POF1B: variants seen among roughly 807,000 people sequenced by gnomAD.
POF1B encodes protein POF1B.
POF1B carries 53 observed loss-of-function variants against 55.3 expected under a neutral mutation model. The ratio of observed to expected loss-of-function variants is 0.96; its 90% CI spans 0.77 to 1.20. The LOEUF is 1.20. Among genes scored for constraint, POF1B ranks in the 50% most tolerant of loss-of-function variants. POF1B has a pLI of 0.00. For synonymous variants in POF1B, 188 were observed against 148.3 expected, an observed-to-expected ratio of 1.27 and a Z score of -1.95; for missense variants, 478 against 420.5, an observed-to-expected ratio of 1.14 and a Z score of -1.20.
At chrX:85,309,791 G>A (rs935309336) in intron 9 of POF1B, among the ~76,000 whole-genome samples, 1 of 111,833 alleles carries the variant, frequency 8.9e-6, no homozygotes, top group Non-Finnish European at 1.9e-5. Flanking sequence ...CCCCTTGTCA[G>A]GCTCTAGGGA....
At chrX:85,350,320 G>C (rs1356502470) in intron 5 of POF1B, among the ~76,000 whole-genome samples, 5 of 110,182 alleles carry the variant, frequency 4.5e-5, no homozygotes, top group African/African-American at 1.3e-4. Flanking sequence ...TACTGAGAAT[G>C]ATGATTTCCA....
rs987230957 is a variant in POF1B, at chrX:85,321,536, A to G, written c.855-5802T>C. ...CATTCCCTTTGAAAACTGGCACAAG[A>G]CAGGGATGCCCTCTCTCACTACTCC... On this transcript the variant is annotated intron_variant, in intron 7 of 16. Transcript: ENST00000262753. Among the ~76,000 whole-genome samples, 11 of 109,668 alleles carry G rather than the reference A, an allele frequency of 1.0e-4. No homozygotes were observed. The East Asian group carries it at 2.8e-3, about 28-fold the overall frequency.
intron 10 of POF1B, among the ~76,000 whole-genome samples, chrX:85,307,570 C>T (rs904938055): frequency 2.7e-5 from 3 of 110,981 alleles, no homozygotes; most frequent in South Asian, 7.6e-4. Flanking sequence ...TTAATCCCAG[C>T]GAGTGGTAAA....
intron 3 of POF1B, among the ~76,000 whole-genome samples, chrX:85,364,236 A>G (rs1393452064): frequency 3.6e-5 from 4 of 111,109 alleles, no homozygotes; most frequent in Non-Finnish European, 7.5e-5. Flanking sequence ...TGAGGTGTTT[A>G]GTCCATTTAC....
rs142665633 is a variant in POF1B at position 85,360,527 on chromosome X, GTATATATA to G, written c.358-905_358-898del. On this transcript the variant is annotated intron_variant, in intron 3 of 16. Coordinates refer to ENST00000262753, the MANE Select transcript of POF1B (RefSeq NM_024921.4). The stretch of plus-strand genomic sequence containing the variant: ...ATGGCTGCCTAGTATTCCATGGTAT[GTATATATA>G]TATATATATATATATATATATATAC... 5.0e-3 allele frequency among the ~76,000 whole-genome samples: 291 copies of G among 58,514 alleles called. 15 individuals carry two copies. The highest frequency in any genetic ancestry group is 0.022 in the African/African-American group (212 of 9,575). The allele number at this position is 58,514 out of a possible 115,157, so 50.8% of individuals were successfully genotyped here.
rs540422975 is a variant in POF1B at position 85,368,389 on chromosome X, A to G, written c.283-623T>C. On this transcript the variant is annotated intron_variant, in intron 2 of 16. Transcript: ENST00000262753. Reference sequence around the variant, plus strand: ...AACATCTTATGCACCCCATAAATATACACATTTACTATGTGCCCAAAATTT... The same window carrying G: ...AACATCTTATGCACCCCATAAATATGCACATTTACTATGTGCCCAAAATTT... 1.8e-3 allele frequency among the ~76,000 whole-genome samples: 205 copies of G among 111,545 alleles called. No homozygotes were observed. The South Asian group carries it at 0.022, about 12-fold the overall frequency.
At chrX:85,359,082 A>G (rs1933557083) in intron 4 of POF1B, among the ~76,000 whole-genome samples, 1 of 111,125 alleles carries the variant, frequency 9.0e-6, no homozygotes, top group African/African-American at 3.3e-5. Context: ...CACACACCAC[A>G]GGCAATAAAG....
At chrX:85,355,651 T>C (rs1336880059) in intron 4 of POF1B, among the ~76,000 whole-genome samples, 2 of 111,561 alleles carry the variant, frequency 1.8e-5, no homozygotes, top group East Asian at 2.8e-4. Context: ...GGGCAAAGGA[T>C]ATGAACAGAC....
intron 15 of POF1B, among the ~76,000 whole-genome samples, chrX:85,285,064 C>T (rs770363730): frequency 2.2e-4 from 25 of 111,992 alleles, no homozygotes; most frequent in African/African-American, 8.1e-4. Flanking sequence ...AAAATGCTCA[C>T]CATCACTGGC....
intron 9 of POF1B, among the ~76,000 whole-genome samples, chrX:85,310,920 G>A (rs55933940): frequency 0.019 from 2,150 of 111,636 alleles, 46 homozygotes; most frequent in African/African-American, 0.066. Context: ...AAGCCCAGAA[G>A]GAACTAGGAT....
At chrX:85,371,244 C>G (rs974064536) in intron 2 of POF1B, among the ~76,000 whole-genome samples, 1 of 111,659 alleles carries the variant, frequency 9.0e-6, no homozygotes, top group Non-Finnish European at 1.9e-5. Flanking sequence ...TTGTTTCTGA[C>G]GTTCTGTGAA....
chrX:85,375,401 C>T (rs1933904552), intron 2 of POF1B, among the ~76,000 whole-genome samples: 1 of 111,201 alleles, frequency 9.0e-6, no homozygotes, highest in Non-Finnish European at 1.9e-5. Context: ...CTTATGAGTG[C>T]CTTTGACTGA....
intron 2 of POF1B, among the ~76,000 whole-genome samples, chrX:85,373,440 C>A (rs943739715): frequency 9.0e-6 from 1 of 111,510 alleles, no homozygotes; most frequent in Non-Finnish European, 1.9e-5. Context: ...TGTTGAGGTT[C>A]TATCAAGTTG....
intron 9 of POF1B, among the ~76,000 whole-genome samples, chrX:85,313,578 T>A: frequency 9.0e-6 from 1 of 111,653 alleles, no homozygotes; most frequent in Non-Finnish European, 1.9e-5. Context: ...TTCAGTTTGC[T>A]GTATTTTATT....
At chrX:85,303,919 C>G in intron 14 of POF1B, among the ~76,000 whole-genome samples, 1 of 111,242 alleles carries the variant, frequency 9.0e-6, no homozygotes, top group East Asian at 2.8e-4. Flanking sequence ...TGCTCCATAA[C>G]AGCAATACAA....
chrX:85,300,202 T>C (rs1932412411), intron 15 of POF1B, among the ~76,000 whole-genome samples: 1 of 111,862 alleles, frequency 8.9e-6, no homozygotes, highest in Admixed American at 9.5e-5. Flanking sequence ...GTGTAGGGCT[T>C]TGTACATGCC....
chrX:85,308,566 T>C (rs1311840041), intron 9 of POF1B, among the ~76,000 whole-genome samples: 2 of 111,880 alleles, frequency 1.8e-5, no homozygotes, highest in East Asian at 5.6e-4. Context: ...ATAAAATGAA[T>C]CTCCCTAAGT....
intron 3 of POF1B, among the ~76,000 whole-genome samples, chrX:85,365,978 A>G (rs1933713817): frequency 9.0e-6 from 1 of 111,380 alleles, no homozygotes; most frequent in African/African-American, 3.3e-5. Context: ...AAGAGTTCAT[A>G]TCATCCATAT....
chrX:85,293,988 T>G (rs773228511), intron 15 of POF1B, among the ~76,000 whole-genome samples: 10 of 107,208 alleles, frequency 9.3e-5, no homozygotes, highest in African/African-American at 3.4e-4. Context: ...AAAAAATAAA[T>G]AAAGAAGAAG....
Sources: gnomAD v4.1 joint callset for allele counts (sites outside exome capture counted in the v4.1 genomes callset) on GRCh38, gnomAD v4.1.1 for gene constraint, MANE v1.5 for transcripts, NCBI Gene and HGNC (gene_info 2026-07-23, HGNC 2026-07-21) for gene names.